Variants in PXN observed in about 807,000 individuals in gnomAD.
PXN encodes the protein testicular tissue protein Li 134.
PXN carries 61 observed loss-of-function variants against 103.6 expected under a neutral mutation model. The ratio of observed to expected loss-of-function variants is 0.59; its 90% CI spans 0.48 to 0.73. The LOEUF (loss-of-function observed/expected upper bound fraction) is 0.73, where lower values mean the gene tolerates loss of function less well. Ranked by LOEUF, PXN falls within the 30% of genes least tolerant of loss-of-function variation. PXN has a pLI of 0.00. For synonymous variants in PXN, 562 were observed against 607.8 expected (o/e 0.92, Z 1.11); for missense variants, 1,274 against 1,460.3 (o/e 0.87, Z 2.08).
chr12:120,212,595 G>T lies in PXN; in HGVS notation c.2980-15C>A, dbSNP rs758087173. On this transcript the variant is annotated splice_polypyrimidine_tract_variant and intron_variant, in intron 14 of 14. Coordinates refer to ENST00000637617, the MANE Select transcript of PXN (RefSeq NM_001385981.1). The surrounding 1 kb of genome is among the most constrained non-coding windows in gnomAD (Gnocchi z 7.2). ...GTGAAGCATTCCTGCCAGGCGGAGAGAGGGGCTCAGGGAGCTGCCCCTCGG... is the reference window on the plus strand; with the variant it reads ...GTGAAGCATTCCTGCCAGGCGGAGATAGGGGCTCAGGGAGCTGCCCCTCGG... 1 of 1,607,244 alleles carries T rather than the reference G, an allele frequency of 6.2e-7. No individual in the cohort carries two copies. Among genetic ancestry groups the T allele is most frequent in the Admixed American group, 1.7e-5 (1 of 59,910 alleles).
intron 1 of PXN, among the ~76,000 whole-genome samples, chr12:120,243,670 G>A (rs1201249570): frequency 6.6e-6 from 1 of 152,156 alleles, no homozygotes; most frequent in East Asian, 1.9e-4. Flanking sequence ...TCCAGCCTGG[G>A]CAACAGAGAA....
chr12:120,229,406 T>G lies in PXN; in HGVS notation c.14-5029A>C, dbSNP rs1385546891. On this transcript the variant is annotated intron_variant, in intron 1 of 14. Transcript: ENST00000637617. The surrounding 1 kb of genome is among the most constrained non-coding windows in gnomAD (Gnocchi z 4.0). ...GAGAGAGGAGATAAAAGTCCATCTC[T>G]CTGAGGGGGTGGGAGGACCCAGAGC... is the stretch of plus-strand genomic sequence containing the variant. Among the ~76,000 whole-genome samples the G allele has an allele frequency of 6.6e-6, 1 of 152,098 alleles. No individual in the cohort carries two copies. The highest frequency in any genetic ancestry group is 1.5e-5 in the Non-Finnish European group (1 of 68,012).
intron 2 of PXN, 75 bp from the exon 3 acceptor site, chr12:120,223,908 C>A (rs1453295954): frequency 8.5e-7 from 1 of 1,182,444 alleles, no homozygotes; most frequent in Non-Finnish European, 1.2e-6. Flanking sequence ...GCTCCAGTCA[C>A]CCCCAGGAGG....
At chr12:120,239,852 G>A (rs943672607) in intron 1 of PXN, among the ~76,000 whole-genome samples, 3 of 151,704 alleles carry the variant, frequency 2.0e-5, no homozygotes, top group Non-Finnish European at 4.4e-5. Flanking sequence ...GGCTTCCCAG[G>A]AACAGTCAGA....
rs1883634332 is a variant in PXN, at chr12:120,217,632, T to C, written c.1717-516A>G. Among the ~76,000 whole-genome samples the C allele has an allele frequency of 6.6e-6, 1 of 152,110 alleles. No individual in the cohort carries two copies. Among genetic ancestry groups the C allele is most frequent in the Non-Finnish European group, 1.5e-5 (1 of 68,010 alleles). ...TCTCGCTCTGTCGCCCAGGCTGGAATGCAGTGGCGCGATCTGGTCTCACTG... is the reference window on the plus strand; with the variant it reads ...TCTCGCTCTGTCGCCCAGGCTGGAACGCAGTGGCGCGATCTGGTCTCACTG... On this transcript the variant is annotated intron_variant, in intron 7 of 14. Coordinates refer to ENST00000637617, the MANE Select transcript of PXN (RefSeq NM_001385981.1). This position sits in a 1 kb window ranked among gnomAD's most constrained non-coding sequence, Gnocchi z 4.1.
intron 1 of PXN, among the ~76,000 whole-genome samples, chr12:120,231,195 G>T (rs756050285): frequency 6.6e-6 from 1 of 152,178 alleles, no homozygotes; most frequent in African/African-American, 2.4e-5. Flanking sequence ...GGCAGAACCC[G>T]ATTTGTCCCC....
intron 1 of PXN, among the ~76,000 whole-genome samples, chr12:120,249,375 G>A (rs950323835): frequency 6.6e-6 from 1 of 152,108 alleles, no homozygotes; most frequent in African/African-American, 2.4e-5. Flanking sequence ...GAGGGGGAGT[G>A]CAGACTGATA....
At chr12:120,258,486 T>C (rs1893367228) in intron 1 of PXN, among the ~76,000 whole-genome samples, 1 of 152,130 alleles carries the variant, frequency 6.6e-6, no homozygotes, top group African/African-American at 2.4e-5. Context: ...TCCCACCACC[T>C]GCTCAATCAC....
rs1392797753 is a variant in PXN, at chr12:120,219,522, C to T, written c.1401G>A (p.Val467=). 3.1e-6 allele frequency: 5 copies of T among 1,593,574 alleles called. No homozygotes were observed. Among genetic ancestry groups the T allele is most frequent in the Middle Eastern group, 1.7e-4 (1 of 6,058 alleles). ...SFQEVTEPAV[V]AVDRQAIFPD... is the part of the protein sequence containing the mutation. ...GGAAGATGGCCTGCCGGTCCACTGC[C>T]ACTACAGCTGGCTCTGTTACTTCTT... The change falls in exon 7 of 15, where the codon GTG becomes GTA. Residue 467 remains valine (V), a synonymous_variant. Transcript: ENST00000637617. The surrounding 1 kb of genome is among the most constrained non-coding windows in gnomAD (Gnocchi z 6.5).
chr12:120,241,826 G>A (rs67614738), intron 1 of PXN, among the ~76,000 whole-genome samples: 1,839 of 152,316 alleles, frequency 0.012, 34 homozygotes, highest in African/African-American at 0.042. Context: ...GGTCAGCAGC[G>A]GAACAGCAGG....
At position 120,214,556 on chromosome 12, in the gene PXN, T is replaced by G. The variant is rs1301882796; in HGVS notation, c.2748+269A>C. ...GAGAGTGAGGCCGCTGGCATCCAAC[T>G]CCATTTATCTCCTCAGGGCTCCTGA... On this transcript the variant is annotated intron_variant, in intron 12 of 14. Coordinates refer to ENST00000637617, the MANE Select transcript of PXN (RefSeq NM_001385981.1). The surrounding 1 kb of genome is among the most constrained non-coding windows in gnomAD (Gnocchi z 5.0). 6.6e-6 allele frequency among the ~76,000 whole-genome samples: 1 copy of G among 152,130 alleles called. No homozygotes were observed. Among genetic ancestry groups the G allele is most frequent in the Non-Finnish European group, 1.5e-5 (1 of 68,028 alleles).
chr12:120,217,414 C>T lies in PXN; in HGVS notation c.1717-298G>A, dbSNP rs1316322620. ...GGCAAGACACTTAATTGCCATGGGC[C>T]TCAGCTTCCCCTTCCTTAAAATGGA... On this transcript the variant is annotated intron_variant, in intron 7 of 14. Coordinates refer to ENST00000637617, the MANE Select transcript of PXN (RefSeq NM_001385981.1). This position sits in a 1 kb window ranked among gnomAD's most constrained non-coding sequence, Gnocchi z 4.1. 6.6e-6 allele frequency among the ~76,000 whole-genome samples: 1 copy of T among 152,204 alleles called. No homozygotes were observed. The highest frequency in any genetic ancestry group is 1.5e-5 in the Non-Finnish European group (1 of 68,032).
Position 120,214,925 on chromosome 12 carries a change from G to T in PXN, c.2648C>A (p.Ser883Tyr). ...VCTHCQEEIG[S>Y]RNFFERDGQP... ...TCCATCCCGCTCGAAGAAGTTCCGG[G>T]ATCCGATCTCCTCCTGGCAGTGGGT... Residue 883 changes from serine (S) to tyrosine (Y), a missense_variant, in exon 12 of 15, where the codon TCC (serine) becomes TAC (tyrosine). By Grantham distance (144) the Ser-to-Tyr change is moderately radical (BLOSUM62 -2). Coordinates refer to ENST00000637617, the MANE Select transcript of PXN (RefSeq NM_001385981.1). The surrounding 1 kb of genome is among the most constrained non-coding windows in gnomAD (Gnocchi z 5.0). 6.2e-7 allele frequency: 1 copy of T among 1,614,016 alleles called. No individual in the cohort carries two copies. Among genetic ancestry groups the T allele is most frequent in the Non-Finnish European group, 8.5e-7 (1 of 1,179,868 alleles).
At chr12:120,244,985 G>A (rs1151831) in intron 1 of PXN, among the ~76,000 whole-genome samples, 3,420 of 152,068 alleles carry the variant, frequency 0.022, 167 homozygotes, top group African/African-American at 0.079. Context: ...GGTGGGGAAG[G>A]GGAGCTCCAA....
intron 1 of PXN, among the ~76,000 whole-genome samples, chr12:120,249,569 T>C (rs1891811211): frequency 6.6e-6 from 1 of 151,996 alleles, no homozygotes; most frequent in African/African-American, 2.4e-5. Context: ...TTGGCCAAAG[T>C]CAGGCAGATA....
At chr12:120,238,551 A>G (rs1889556663) in intron 1 of PXN, among the ~76,000 whole-genome samples, 1 of 152,208 alleles carries the variant, frequency 6.6e-6, no homozygotes, top group Non-Finnish European at 1.5e-5. Flanking sequence ...GGCTCCGCAA[A>G]TCCAGCCCAG....
Position 120,225,007 on chromosome 12 carries a change from G to A in PXN, c.14-630C>T, listed in dbSNP as rs1594415734. On this transcript the variant is annotated intron_variant, in intron 1 of 14. Coordinates refer to ENST00000637617, the MANE Select transcript of PXN (RefSeq NM_001385981.1). This position sits in a 1 kb window ranked among gnomAD's most constrained non-coding sequence, Gnocchi z 4.4. ...GTCCCCACCCCCTCAGTGAGCAGGG[G>A]GCAAGACTGCTCCATTGGCTGTTTC... is the stretch of plus-strand genomic sequence containing the variant. 3.2e-6 allele frequency: 1 copy of A among 316,688 alleles called. No individual in the cohort carries two copies. Among genetic ancestry groups the A allele is most frequent in the Non-Finnish European group, 6.4e-6 (1 of 157,400 alleles). 19.6% of individuals were successfully genotyped at this position (316,688 alleles called of 1,614,324 possible). A position where few individuals can be genotyped will look rare whatever the true frequency, so the allele number is the denominator to read the frequency against.
At chr12:120,243,652 C>T (rs1302733334) in intron 1 of PXN, among the ~76,000 whole-genome samples, 3 of 152,218 alleles carry the variant, frequency 2.0e-5, no homozygotes, top group Non-Finnish European at 4.4e-5. Flanking sequence ...ATGATGGCAT[C>T]ACTGCACTCC....
intron 1 of PXN, chr12:120,250,087 C>T (rs1457592047): frequency 4.1e-6 from 4 of 985,584 alleles, no homozygotes; most frequent in Admixed American, 6.2e-5. Context: ...GCCCATCCCA[C>T]TCAGCTGTCC....
Sources: allele counts gnomAD v4.1 joint callset (sites outside exome capture counted in the v4.1 genomes callset), GRCh38; gene constraint gnomAD v4.1.1; non-coding constraint Gnocchi (gnomAD v3.1); transcripts MANE v1.5; gene names NCBI Gene and HGNC (gene_info 2026-07-23, HGNC 2026-07-21).